DLGAP2: variants seen among roughly 807,000 people sequenced by gnomAD.
The protein encoded by DLGAP2 is disks large-associated protein 2.
A neutral mutation model predicts 100.3 loss-of-function variants in DLGAP2; 26 were observed. The observed-to-expected ratio is 0.26, with a 90% confidence interval of 0.19 to 0.36. DLGAP2 has a LOEUF of 0.36. DLGAP2 is among the 10% of genes least tolerant of loss of function. DLGAP2 has a pLI of 1.00. For missense variants in DLGAP2, 1,858 were observed against 1,453.2 expected, an observed-to-expected ratio of 1.28 and a Z score of -4.53; for synonymous variants, 886 against 630.1, an observed-to-expected ratio of 1.41 and a Z score of -6.08.
chr8:1,314,989 G>A (rs889079851), intron 3 of DLGAP2, among the ~76,000 whole-genome samples: 4 of 152,212 alleles, frequency 2.6e-5, no homozygotes, highest in Admixed American at 1.3e-4. Context: ...GTTCTAAGCC[G>A]CCGTTGCGTG....
chr8:1,305,883 C>A lies in DLGAP2; in HGVS notation c.106+47000C>A, dbSNP rs767348829. Among the ~76,000 whole-genome samples the A allele has an allele frequency of 1.9e-4, 29 of 152,226 alleles. 1 individual carries two copies. Among genetic ancestry groups the A allele is most frequent in the Admixed American group, 3.3e-4 (5 of 15,296 alleles). ...CAAGTGTGCCCTTGCCTGCCCTCTA[C>A]TTATGTGCTTTTATAAATGGGATTA... is the stretch of plus-strand genomic sequence containing the variant. On this transcript the variant is annotated intron_variant, in intron 3 of 14. Coordinates refer to ENST00000637795, the MANE Select transcript of DLGAP2 (RefSeq NM_001346810.2).
intron 3 of DLGAP2, among the ~76,000 whole-genome samples, chr8:1,316,384 A>G (rs1262363490): frequency 7.4e-6 from 1 of 134,628 alleles, no homozygotes; most frequent in Non-Finnish European, 1.6e-5. Context: ...CACTCGAGAA[A>G]CTTGGCAGCT....
chr8:1,199,844 A>G (rs1797831694), intron 2 of DLGAP2, among the ~76,000 whole-genome samples: 2 of 152,280 alleles, frequency 1.3e-5, no homozygotes, highest in East Asian at 3.9e-4. Context: ...TAACTCTTAG[A>G]AACACTGGAA....
intron 13 of DLGAP2, among the ~76,000 whole-genome samples, chr8:1,695,939 G>T (rs977287879): frequency 2.6e-5 from 4 of 152,238 alleles, no homozygotes; most frequent in African/African-American, 9.6e-5. Context: ...TGCCTGGGGG[G>T]GCTTTGAGTG....
chr8:1,491,316 C>T (rs142051347), intron 3 of DLGAP2, among the ~76,000 whole-genome samples: 29 of 76,756 alleles, frequency 3.8e-4, no homozygotes, highest in Middle Eastern at 9.1e-3. Context: ...AGTAAGGCTG[C>T]TTTCAGGCCG....
At chr8:1,271,632 A>C (rs1037282692) in intron 3 of DLGAP2, among the ~76,000 whole-genome samples, 1 of 152,172 alleles carries the variant, frequency 6.6e-6, no homozygotes, top group Non-Finnish European at 1.5e-5. Context: ...ATATTGATCT[A>C]CTGTTTTATA....
chr8:982,281 G>A (rs1365955988), intron 2 of DLGAP2, among the ~76,000 whole-genome samples: 3 of 152,224 alleles, frequency 2.0e-5, no homozygotes, highest in Admixed American at 6.5e-5. Flanking sequence ...TGAACCCTTG[G>A]AACCATGCCT....
At chr8:1,372,332 A>G (rs143617882) in intron 3 of DLGAP2, among the ~76,000 whole-genome samples, 30 of 151,706 alleles carry the variant, frequency 2.0e-4, no homozygotes, top group African/African-American at 6.6e-4. Flanking sequence ...TGCCAACACT[A>G]GGACACTGTT....
Position 1,457,981 on chromosome 8 carries a change from T to C in DLGAP2, c.107-43385T>C, listed in dbSNP as rs201757653. Among the ~76,000 whole-genome samples the C allele has an allele frequency of 4.9e-4, 14 of 28,520 alleles. No individual in the cohort carries two copies. The East Asian group carries it at 0.051, about 104-fold the overall frequency. 18.7% of individuals were successfully genotyped at this position (28,520 alleles called of 152,430 possible). On this transcript the variant is annotated intron_variant, in intron 3 of 14. Coordinates refer to ENST00000637795, the MANE Select transcript of DLGAP2 (RefSeq NM_001346810.2). Reference sequence around the variant, plus strand: ...ATTGTCTCTGTTCTCTGATCATATATATATATATATATATATATATATATA... The same window carrying C: ...ATTGTCTCTGTTCTCTGATCATATACATATATATATATATATATATATATA...
intron 3 of DLGAP2, among the ~76,000 whole-genome samples, chr8:1,318,040 A>T (rs7015136): frequency 3.1e-5 from 1 of 32,354 alleles, no homozygotes; most frequent in African/African-American, 2.0e-4. Flanking sequence ...GCGTCTCTCC[A>T]ACAGTGGTCT....
intron 2 of DLGAP2, among the ~76,000 whole-genome samples, chr8:1,135,659 G>A (rs1375551883): frequency 6.6e-6 from 1 of 152,184 alleles, no homozygotes; most frequent in Admixed American, 6.5e-5. Context: ...ATGTCAGAAA[G>A]TGTGCTTTCC....
intron 2 of DLGAP2, among the ~76,000 whole-genome samples, chr8:1,232,574 A>G (rs781394517): frequency 5.3e-5 from 8 of 152,196 alleles, no homozygotes; most frequent in Non-Finnish European, 1.2e-4. Context: ...CTGTTTGGGA[A>G]CGACTTATCC....
intron 3 of DLGAP2, among the ~76,000 whole-genome samples, chr8:1,412,012 G>C (rs1247764603): frequency 6.6e-6 from 1 of 152,154 alleles, no homozygotes; most frequent in African/African-American, 2.4e-5. Flanking sequence ...AGATGCCATG[G>C]GCAGGTGATC....
At position 1,548,768 on chromosome 8, in the gene DLGAP2, G is replaced by C. The variant is rs767863332; in HGVS notation, c.315G>C (p.Glu105Asp). 5.0e-6 allele frequency: 8 copies of C among 1,599,024 alleles called. No homozygotes were observed. In the East Asian group the frequency reaches 1.4e-4, roughly 27 times the overall value. The change falls in exon 5 of 15, where the codon GAG becomes GAC. Residue 105 changes from glutamate (E) to aspartate (D), a missense_variant. Glu to Asp is a conservative substitution (Grantham distance 45, BLOSUM62 2). Transcript: ENST00000637795. The part of the protein sequence containing the change: ...SGHTCGLAPP[E>D]DCEHLHHGPD... ...ACACGTGTGGTCTGGCGCCCCCGGA[G>C]GACTGCGAGCACCTGCACCACGGGC...
rs1326618243 is a variant in DLGAP2 at position 1,690,639 on chromosome 8, G to T, written c.2705-896G>T. Among the ~76,000 whole-genome samples the T allele has an allele frequency of 2.1e-5, 3 of 145,672 alleles. No homozygotes were observed. In the East Asian group the frequency reaches 6.3e-4, roughly 31 times the overall value. The stretch of plus-strand genomic sequence containing the variant: ...AAATTGCTTGAACCTGGGAGGTGGA[G>T]GTTGCAGTGAGCCAGGATTGCGCCA... On this transcript the variant is annotated intron_variant, in intron 12 of 14. Coordinates refer to ENST00000637795, the MANE Select transcript of DLGAP2 (RefSeq NM_001346810.2).
rs141081096 is a variant in DLGAP2 at position 771,037 on chromosome 8, A to T, written c.18+33212A>T. On this transcript the variant is annotated intron_variant, in intron 1 of 14. Transcript: ENST00000637795. ...GAAGTGTGAGTGTCCTATTCTCCAG[A>T]CAGGTGCCTTCCAGCTCCATTTCTC... Among the ~76,000 whole-genome samples the T allele has an allele frequency of 2.7e-3, 406 of 152,200 alleles. 3 individuals are homozygous for T. The highest frequency in any genetic ancestry group is 9.4e-3 in the African/African-American group (389 of 41,516).
At chr8:1,306,652 C>G (rs1192505658) in intron 3 of DLGAP2, among the ~76,000 whole-genome samples, 2 of 123,484 alleles carry the variant, frequency 1.6e-5, no homozygotes, top group Non-Finnish European at 3.3e-5. Flanking sequence ...TACTACAGAG[C>G]TATGATAAGC....
chr8:889,618 A>G (rs1020254998), intron 1 of DLGAP2, among the ~76,000 whole-genome samples: 1 of 152,234 alleles, frequency 6.6e-6, no homozygotes, highest in Admixed American at 6.5e-5. Context: ...CTTGGGACCA[A>G]GCCATTCAGC....
chr8:1,672,526 C>T (rs1798716645), intron 10 of DLGAP2, among the ~76,000 whole-genome samples: 1 of 152,220 alleles, frequency 6.6e-6, no homozygotes, highest in African/African-American at 2.4e-5. Context: ...CCATGCCCAG[C>T]CAAGGAGATC....
Sources: gnomAD v4.1 joint callset for allele counts (sites outside exome capture counted in the v4.1 genomes callset) on GRCh38, gnomAD v4.1.1 for gene constraint, MANE v1.5 for transcripts, NCBI Gene and HGNC (gene_info 2026-07-23, HGNC 2026-07-21) for gene names.